The following KLHL1 variants were observed in gnomAD, a reference collection of about 807,000 sequenced individuals.
KLHL1 encodes the protein kelch like family member 1.
KLHL1 carries 47 observed loss-of-function variants against 77.7 expected under a neutral mutation model. That is an observed-to-expected ratio of 0.60 (90% CI 0.48 to 0.77). KLHL1 has a LOEUF of 0.77. KLHL1 is among the 30% of genes least tolerant of loss of function. The pLI is 0.00. For synonymous variants in KLHL1, 360 were observed against 325.2 expected, an observed-to-expected ratio of 1.11 and a Z score of -1.15; for missense variants, 925 against 910.8, an observed-to-expected ratio of 1.02 and a Z score of -0.20.
chr13:69,738,161 C>T (rs1429230634), intron 8 of KLHL1, among the ~76,000 whole-genome samples: 1 of 152,078 alleles, frequency 6.6e-6, no homozygotes, highest in African/African-American at 2.4e-5. Context: ...GAAAAGGGGC[C>T]TGACTGCTAA....
intron 4 of KLHL1, among the ~76,000 whole-genome samples, chr13:69,917,337 G>A (rs958336866): frequency 3.2e-4 from 48 of 152,126 alleles, no homozygotes; most frequent in African/African-American, 1.1e-3. Context: ...TATATGAAGT[G>A]ATAGGAGAGA....
intron 1 of KLHL1, among the ~76,000 whole-genome samples, chr13:70,014,337 T>C (rs1885605986): frequency 6.6e-6 from 1 of 152,086 alleles, no homozygotes; most frequent in Admixed American, 6.6e-5. Flanking sequence ...GAGTAAACAC[T>C]GAAGCTAAAA....
chr13:69,887,627 A>G (rs1881268152), intron 4 of KLHL1, among the ~76,000 whole-genome samples: 1 of 152,192 alleles, frequency 6.6e-6, no homozygotes, highest in Admixed American at 6.5e-5. Flanking sequence ...AACACAATTC[A>G]GCTAAGTTCT....
intron 5 of KLHL1, among the ~76,000 whole-genome samples, chr13:69,842,262 GC>G: frequency 6.6e-6 from 1 of 151,782 alleles, no homozygotes; most frequent in Non-Finnish European, 1.5e-5. Context: ...AAGAAAATCT[GC>G]TTAATGGGAG....
chr13:69,839,433 C>A (rs573076444), intron 5 of KLHL1, among the ~76,000 whole-genome samples: 1 of 151,872 alleles, frequency 6.6e-6, no homozygotes, highest in East Asian at 1.9e-4. Context: ...CTTTTCTATT[C>A]ATTTTCTTTT....
At chr13:69,872,994 T>C (rs974536079) in intron 5 of KLHL1, among the ~76,000 whole-genome samples, 2 of 152,202 alleles carry the variant, frequency 1.3e-5, no homozygotes, top group Non-Finnish European at 2.9e-5. Context: ...CTTATTTCCT[T>C]ATAAAATTAT....
At chr13:70,077,931 T>C (rs1887302905) in intron 1 of KLHL1, among the ~76,000 whole-genome samples, 1 of 152,088 alleles carries the variant, frequency 6.6e-6, no homozygotes, top group Non-Finnish European at 1.5e-5. Context: ...CTTTTGAAAG[T>C]CTTTCTTCTT....
intron 2 of KLHL1, among the ~76,000 whole-genome samples, chr13:69,967,140 G>C (rs1398604313): frequency 6.6e-6 from 1 of 152,112 alleles, no homozygotes; most frequent in Non-Finnish European, 1.5e-5. Context: ...TGGATTGCTG[G>C]ACTGAATGGT....
chr13:69,789,431 T>C (rs191393211), intron 7 of KLHL1, among the ~76,000 whole-genome samples: 88 of 152,270 alleles, frequency 5.8e-4, no homozygotes, highest in Non-Finnish European at 1.2e-3. Context: ...TCGAGGAATC[T>C]GAGATTAAAT....
chr13:69,780,174 T>C (rs1374677819), intron 7 of KLHL1, among the ~76,000 whole-genome samples: 4 of 152,208 alleles, frequency 2.6e-5, no homozygotes, highest in East Asian at 1.9e-4. Flanking sequence ...TGTATATTTG[T>C]GTATGTGATT....
At chr13:69,882,736 G>T (rs1460087129) in intron 4 of KLHL1, among the ~76,000 whole-genome samples, 1 of 152,132 alleles carries the variant, frequency 6.6e-6, no homozygotes, top group Non-Finnish European at 1.5e-5. Context: ...GCTGAGCTTT[G>T]TTATGCAGGC....
At chr13:70,089,705 A>G (rs1365807200) in intron 1 of KLHL1, among the ~76,000 whole-genome samples, 1 of 152,182 alleles carries the variant, frequency 6.6e-6, no homozygotes, top group Non-Finnish European at 1.5e-5. Context: ...ATGATTTTCC[A>G]AAACATGTAT....
At chr13:69,992,195 G>C (rs1022508648) in intron 1 of KLHL1, among the ~76,000 whole-genome samples, 6 of 151,952 alleles carry the variant, frequency 3.9e-5, no homozygotes, top group African/African-American at 1.4e-4. Context: ...TGAAATATTT[G>C]TGTCATTTTT....
At chr13:69,777,100 C>T (rs115897744) in intron 7 of KLHL1, among the ~76,000 whole-genome samples, 19,513 of 151,862 alleles carry the variant, frequency 0.13, 1,576 homozygotes, top group African/African-American at 0.23. Context: ...GTAAGTCACA[C>T]GAGATCTGAC....
At chr13:69,818,505 C>T (rs1878212598) in intron 6 of KLHL1, among the ~76,000 whole-genome samples, 1 of 152,040 alleles carries the variant, frequency 6.6e-6, no homozygotes, top group Non-Finnish European at 1.5e-5. Flanking sequence ...AGGCATGAGC[C>T]ACCACGCCCG....
chr13:69,855,717 A>C (rs34595062), intron 5 of KLHL1, among the ~76,000 whole-genome samples: 24,302 of 151,010 alleles, frequency 0.16, 2,483 homozygotes, highest in African/African-American at 0.28. Context: ...CTGAGGCCTC[A>C]CCAGCCATGC....
intron 1 of KLHL1, among the ~76,000 whole-genome samples, chr13:70,050,075 C>T (rs930115932): frequency 6.6e-6 from 1 of 151,806 alleles, no homozygotes; most frequent in Non-Finnish European, 1.5e-5. Context: ...AAAAATATTG[C>T]TACCTTTCAT....
intron 6 of KLHL1, among the ~76,000 whole-genome samples, chr13:69,827,288 T>C (rs1490420642): frequency 8.7e-6 from 1 of 114,448 alleles, no homozygotes; most frequent in African/African-American, 3.6e-5. Context: ...TCTAAAATCA[T>C]AAGATAAGGT....
At chr13:69,837,700 A>ATGTATGTG (rs1879082715) in intron 6 of KLHL1, among the ~76,000 whole-genome samples, 3 of 147,788 alleles carry the variant, frequency 2.0e-5, no homozygotes, top group African/African-American at 7.5e-5. Context: ...ACATATATAT[A>ATGTATGTG]TAGATCTCAT....
Sources: gnomAD v4.1 joint callset for allele counts (sites outside exome capture counted in the v4.1 genomes callset) on GRCh38, gnomAD v4.1.1 for gene constraint, MANE v1.5 for transcripts, NCBI Gene and HGNC (gene_info 2026-07-23, HGNC 2026-07-21) for gene names.